The following TMEM63A variants were observed in gnomAD, a reference collection of about 807,000 sequenced individuals.
TMEM63A encodes the protein transmembrane protein 63A.
Under a neutral mutation model 100.6 loss-of-function variants are expected in TMEM63A, and 76 were observed. The ratio of observed to expected loss-of-function variants is 0.76; its 90% CI spans 0.63 to 0.91. The LOEUF (loss-of-function observed/expected upper bound fraction) is 0.91. Among genes scored for constraint, TMEM63A ranks in the 40% least tolerant of loss-of-function variants. The pLI, the probability that TMEM63A is intolerant of heterozygous loss-of-function variation, is 0.00. For missense variants in TMEM63A, 876 were observed against 1,008.8 expected (o/e 0.87, Z 1.78); for synonymous variants, 401 against 401.1 (o/e 1.00, Z 0.00).
rs1269268596 is a variant in TMEM63A, at chr1:225,849,931, G to T, written c.2052C>A (p.Phe684Leu). 6.2e-7 allele frequency: 1 copy of T among 1,614,128 alleles called. No homozygotes were observed. The change falls in exon 21 of 25, where the codon TTC becomes TTA. Residue 684 changes from phenylalanine (F) to leucine (L), a missense_variant. Phe to Leu is a conservative substitution (Grantham distance 22, BLOSUM62 0). Around this residue, in one of 5 missense-constraint regions of TMEM63A, gnomAD observed 339 missense variants for 342.3 expected, o/e 0.99. Coordinates refer to ENST00000366835, the MANE Select transcript of TMEM63A (RefSeq NM_014698.3). The part of the protein sequence containing the change: ...APILCLFWLY[F>L]FSFLRLGMKA... Reference sequence around the variant, plus strand: ...GCTCACCCAGGCGCAGGAAGGAAAAGAAGTAGAGCCAGAAGAGGCACAGGA... The same window carrying T: ...GCTCACCCAGGCGCAGGAAGGAAAATAAGTAGAGCCAGAAGAGGCACAGGA...
Position 225,852,658 on chromosome 1 carries a change from A to T in TMEM63A, c.1903+6T>A, listed in dbSNP as rs201776604. ...GTACCCTGGGACAGGCTCCAGGGCC[A>T]CTCACCAAATGGCGCGATGATGGGA... On this transcript the variant is annotated splice_donor_region_variant and intron_variant, in intron 20 of 24. Coordinates refer to ENST00000366835, the MANE Select transcript of TMEM63A (RefSeq NM_014698.3). 1.9e-6 allele frequency: 3 copies of T among 1,612,260 alleles called. No homozygotes were observed. Among genetic ancestry groups the T allele is most frequent in the Non-Finnish European group, 2.5e-6 (3 of 1,179,936 alleles).
chr1:225,855,803 T>A (rs1669583869), intron 18 of TMEM63A, 75 bp downstream of exon 18: 39 of 1,435,564 alleles, frequency 2.7e-5, no homozygotes, highest in Non-Finnish European at 3.3e-5. Flanking sequence ...CCCCCACCCA[T>A]CCCACTGCAG....
chr1:225,861,137 C>T, intron 13 of TMEM63A, 140 bp from the exon 14 acceptor site: 1 of 978,960 alleles, frequency 1.0e-6, no homozygotes, highest in African/African-American at 1.7e-5. Context: ...ATGAGTAACG[C>T]TATGTAAGAG....
chr1:225,848,309 A>G (rs745307514), intron 23 of TMEM63A, 183 bp downstream of exon 23: 1 of 626,012 alleles, frequency 1.6e-6, no homozygotes. Flanking sequence ...ACAGTTTCAA[A>G]TATGCAGGTT....
In TMEM63A at chr1:225,847,007, C is replaced by G. The variant is rs200511891; in HGVS notation, c.*6+27G>C. 17 of 1,589,292 alleles carry G rather than the reference C, an allele frequency of 1.1e-5. No homozygotes were observed. In the African/African-American group the frequency reaches 2.0e-4, roughly 19 times the overall value. On this transcript the variant is annotated intron_variant, in intron 24 of 24. Coordinates refer to ENST00000366835, the MANE Select transcript of TMEM63A (RefSeq NM_014698.3). ...CTGTCTTCTCACCCCACAGGCTCCC[C>G]TGAGCCTGGCCCAGCCAGCAGCTCA...
At chr1:225,841,000 C>T (rs1424981862), downstream of TMEM63A, 3 of 152,178 alleles carry the variant, frequency 2.0e-5, no homozygotes, top group African/African-American at 7.2e-5. Flanking sequence ...CTCATATAAC[C>T]TCTTCTCCCT....
At chr1:225,877,062 C>T (rs1670841127) in intron 3 of TMEM63A, among the ~76,000 whole-genome samples, 1 of 152,186 alleles carries the variant, frequency 6.6e-6, no homozygotes, top group African/African-American at 2.4e-5. Context: ...GTCTCAACCC[C>T]TTGAGATGAC....
intron 2 of TMEM63A, among the ~76,000 whole-genome samples, chr1:225,878,877 TACCTACCTACACACACACACACACAC>T (rs1559054254): frequency 8.5e-6 from 1 of 117,362 alleles, no homozygotes; most frequent in Non-Finnish European, 1.7e-5. Context: ...CCTACCTACC[TACCTACCTACACACACACACACACAC>T]ACACACACAC....
chr1:225,880,468 T>C (rs1031266404), intron 1 of TMEM63A, among the ~76,000 whole-genome samples: 1 of 152,018 alleles, frequency 6.6e-6, no homozygotes, highest in African/African-American at 2.4e-5. Context: ...AGCTGGCAGC[T>C]GTATAGAGGA....
At position 225,850,099 on chromosome 1, in the gene TMEM63A, G is replaced by T; in HGVS notation, c.1904-20C>A. ...TGAGGCCTGCAGGGGATGGGGCTGT[G>T]AGCTGGAGACCTCGCAGGGCCACAC... On this transcript the variant is annotated intron_variant, in intron 20 of 24. Coordinates refer to ENST00000366835, the MANE Select transcript of TMEM63A (RefSeq NM_014698.3). The T allele has an allele frequency of 6.2e-7, 1 of 1,613,086 alleles. No individual in the cohort carries two copies.
intron 18 of TMEM63A, among the ~76,000 whole-genome samples, chr1:225,855,615 G>T (rs1669574735): frequency 6.6e-6 from 1 of 152,032 alleles, no homozygotes; most frequent in Admixed American, 6.6e-5. Context: ...AAGTTTCAAT[G>T]AATGAGACAG....
intron 4 of TMEM63A, among the ~76,000 whole-genome samples, chr1:225,872,729 T>A (rs898832016): frequency 7.0e-6 from 1 of 142,810 alleles, no homozygotes; most frequent in African/African-American, 2.6e-5. Flanking sequence ...AGTCTGGCTC[T>A]GTCACCCAAG....
At position 225,875,736 on chromosome 1, in the gene TMEM63A, C is replaced by T. The variant is rs778797496; in HGVS notation, c.187-1369G>A. 4.1e-4 allele frequency among the ~76,000 whole-genome samples: 63 copies of T among 151,830 alleles called. 1 individual carries two copies. Among genetic ancestry groups the T allele is most frequent in the Non-Finnish European group, 1.3e-4 (9 of 67,978 alleles). On this transcript the variant is annotated intron_variant, in intron 3 of 24. Coordinates refer to ENST00000366835, the MANE Select transcript of TMEM63A (RefSeq NM_014698.3). ...CAGGGCCCTCTGGCTCTTATGTGTCCCCCCTCCCCCACCCCCAAAACTTAC... is the reference window on the plus strand; with the variant it reads ...CAGGGCCCTCTGGCTCTTATGTGTCTCCCCTCCCCCACCCCCAAAACTTAC...
At position 225,867,433 on chromosome 1, in the gene TMEM63A, G is replaced by C. The variant is rs1369779173; in HGVS notation, c.515-270C>G. Among the ~76,000 whole-genome samples, 1 of 152,194 alleles carries C rather than the reference G, an allele frequency of 6.6e-6. No homozygotes were observed. The highest frequency in any genetic ancestry group is 1.9e-4 in the East Asian group (1 of 5,196). Reference sequence around the variant, plus strand: ...GAGAAAACTAAAAACATCCTATGTTGTTACAAAACCAACGTTGGGAACCAC... The same window carrying C: ...GAGAAAACTAAAAACATCCTATGTTCTTACAAAACCAACGTTGGGAACCAC... On this transcript the variant is annotated intron_variant, in intron 7 of 24. Coordinates refer to ENST00000366835, the MANE Select transcript of TMEM63A (RefSeq NM_014698.3). The surrounding 1 kb of genome is among the most constrained non-coding windows in gnomAD (Gnocchi z 4.6).
chr1:225,856,649 T>C lies in TMEM63A; in HGVS notation c.1571+3A>G, dbSNP rs755162747. 7.4e-6 allele frequency: 12 copies of C among 1,613,678 alleles called. No homozygotes were observed. Among genetic ancestry groups the C allele is most frequent in the African/African-American group, 1.3e-5 (1 of 74,874 alleles). ...ATTTAGAGCAGAAGGTGGTGGCATATACCTGGTGAGACCCAGGGAGGGCAG... is the reference window on the plus strand; with the variant it reads ...ATTTAGAGCAGAAGGTGGTGGCATACACCTGGTGAGACCCAGGGAGGGCAG... On this transcript the variant is annotated splice_donor_region_variant and intron_variant, in intron 17 of 24. Coordinates refer to ENST00000366835, the MANE Select transcript of TMEM63A (RefSeq NM_014698.3).
chr1:225,866,799 C>T lies in TMEM63A; in HGVS notation c.567-117G>A. On this transcript the variant is annotated intron_variant, in intron 8 of 24. Coordinates refer to ENST00000366835, the MANE Select transcript of TMEM63A (RefSeq NM_014698.3). ...GAACTGAGGACCAACAGCTTCACTG[C>T]AAGAGATGCCTCCCACAGAGGTTGT... 4.6e-6 allele frequency: 4 copies of T among 861,826 alleles called. No individual in the cohort carries two copies. In the Admixed American group the frequency reaches 8.4e-5, roughly 18 times the overall value. 53.4% of individuals were successfully genotyped at this position (861,826 alleles called of 1,614,324 possible). A position where few individuals can be genotyped will look rare whatever the true frequency, so the allele number is the denominator to read the frequency against.
At chr1:225,874,644 T>C (rs1576114526) in intron 3 of TMEM63A, among the ~76,000 whole-genome samples, 3 of 152,236 alleles carry the variant, frequency 2.0e-5, no homozygotes, top group Non-Finnish European at 4.4e-5. Context: ...GTTCTGCACG[T>C]CAGCCCTGTC....
intron 18 of TMEM63A, among the ~76,000 whole-genome samples, chr1:225,854,964 T>C (rs76763539): frequency 3.3e-5 from 5 of 152,316 alleles, no homozygotes; most frequent in African/African-American, 9.6e-5. Context: ...ATGTCGCTGA[T>C]AGATCATAAG....
rs74150538 is a variant in TMEM63A at position 225,862,924 on chromosome 1, C to T, written c.747-73G>A. ...ACACCCCAAGCAGGAGACGTGCCCACGGATCCAAGGGAAAGGATGGCAGAG... is the reference window on the plus strand; with the variant it reads ...ACACCCCAAGCAGGAGACGTGCCCATGGATCCAAGGGAAAGGATGGCAGAG... On this transcript the variant is annotated intron_variant, in intron 10 of 24. Transcript: ENST00000366835. This position sits in a 1 kb window ranked among gnomAD's most constrained non-coding sequence, Gnocchi z 5.1. The T allele has an allele frequency of 7.1e-3, 9,984 of 1,399,994 alleles. 556 individuals are homozygous for T. The African/African-American group carries it at 0.12, about 17-fold the overall frequency. The allele number at this position is 1,399,994 out of a possible 1,614,324, so 86.7% of individuals were successfully genotyped here. A position where few individuals can be genotyped will look rare whatever the true frequency, so the allele number is the denominator to read the frequency against.
Sources: gnomAD v4.1 joint callset for allele counts (sites outside exome capture counted in the v4.1 genomes callset) on GRCh38, gnomAD v4.1.1 for gene constraint, gnomAD v4.1.1 regional missense constraint, Gnocchi (gnomAD v3.1) non-coding constraint, MANE v1.5 for transcripts, NCBI Gene and HGNC (gene_info 2026-07-23, HGNC 2026-07-21) for gene names.